The following PLCL1 variants were observed in gnomAD, a reference collection of about 807,000 sequenced individuals.
PLCL1 encodes phospholipase C like 1 (inactive).
In PLCL1, 41 loss-of-function variants were observed where a neutral mutation model predicts 84.4. That is an observed-to-expected ratio of 0.49 (90% confidence interval 0.38 to 0.63). The LOEUF is 0.63. Among genes scored for constraint, PLCL1 ranks in the 30% least tolerant of loss-of-function variants. The probability of loss-of-function intolerance (pLI) is 0.00; values close to 1 mark genes in which losing one functional copy is unlikely to be tolerated. For missense variants in PLCL1, 1,206 were observed against 1,367.8 expected, an observed-to-expected ratio of 0.88 and a Z score of 1.87; for synonymous variants, 490 against 488.3, an observed-to-expected ratio of 1.00 and a Z score of -0.05.
intron 1 of PLCL1, among the ~76,000 whole-genome samples, chr2:197,983,498 G>A (rs149672350): frequency 5.3e-5 from 8 of 152,072 alleles, no homozygotes; most frequent in African/African-American, 1.9e-4. Flanking sequence ...CTCCCAAAGT[G>A]TTGGGATTAC....
At chr2:197,967,132 G>T (rs576114210) in intron 1 of PLCL1, among the ~76,000 whole-genome samples, 3 of 152,188 alleles carry the variant, frequency 2.0e-5, no homozygotes, top group East Asian at 3.9e-4. Flanking sequence ...GTGAGAACTT[G>T]CTCCTGCAAC....
At chr2:198,125,736 C>G (rs1369082950) in intron 5 of PLCL1, among the ~76,000 whole-genome samples, 1 of 152,094 alleles carries the variant, frequency 6.6e-6, no homozygotes, top group African/African-American at 2.4e-5. Context: ...AAAGGTCACT[C>G]TTTGAAGGGA....
At chr2:197,814,747 T>C (rs1275175779) in intron 1 of PLCL1, among the ~76,000 whole-genome samples, 2 of 152,238 alleles carry the variant, frequency 1.3e-5, no homozygotes, top group African/African-American at 4.8e-5. Context: ...CCAGGAAGCA[T>C]ATGAATGATA....
intron 1 of PLCL1, among the ~76,000 whole-genome samples, chr2:197,812,681 A>G (rs1690611225): frequency 2.0e-5 from 3 of 152,228 alleles, no homozygotes; most frequent in African/African-American, 7.2e-5. Flanking sequence ...TATTATTTAC[A>G]CGGTACAATA....
chr2:198,064,696 G>T (rs2105880182), intron 1 of PLCL1, among the ~76,000 whole-genome samples: 1 of 152,272 alleles, frequency 6.6e-6, no homozygotes, highest in East Asian at 1.9e-4. Flanking sequence ...GCCAAAAGGA[G>T]AGTACTATTT....
chr2:197,843,728 A>C (rs1687062460), intron 1 of PLCL1, among the ~76,000 whole-genome samples: 1 of 152,192 alleles, frequency 6.6e-6, no homozygotes, highest in South Asian at 2.1e-4. Context: ...CATACTTCCA[A>C]ATTGAAAGAT....
chr2:197,843,808 T>C (rs1326207744), intron 1 of PLCL1, among the ~76,000 whole-genome samples: 1 of 152,198 alleles, frequency 6.6e-6, no homozygotes, highest in Non-Finnish European at 1.5e-5. Flanking sequence ...TTACTCTTAT[T>C]GCAAATAGTT....
chr2:198,063,417 A>T (rs1314350797), intron 1 of PLCL1, among the ~76,000 whole-genome samples: 1 of 152,162 alleles, frequency 6.6e-6, no homozygotes, highest in African/African-American at 2.4e-5. Context: ...CATAATCAGA[A>T]GCAAACTCAA....
intron 1 of PLCL1, among the ~76,000 whole-genome samples, chr2:197,948,490 T>C (rs1032295317): frequency 6.6e-6 from 1 of 152,136 alleles, no homozygotes; most frequent in South Asian, 2.1e-4. Context: ...ATGTAAACTT[T>C]CCTGTAATGT....
chr2:197,929,874 A>G (rs1001665032), intron 1 of PLCL1, among the ~76,000 whole-genome samples: 1 of 152,218 alleles, frequency 6.6e-6, no homozygotes, highest in Non-Finnish European at 1.5e-5. Flanking sequence ...TAGAGAGAAA[A>G]AGAAAACAAA....
At chr2:197,971,378 T>G (rs543671607) in intron 1 of PLCL1, among the ~76,000 whole-genome samples, 78 of 152,222 alleles carry the variant, frequency 5.1e-4, no homozygotes, top group African/African-American at 1.8e-3. Flanking sequence ...ACAACATACC[T>G]TAACAAATAA....
At chr2:197,852,898 C>G (rs549895803) in intron 1 of PLCL1, among the ~76,000 whole-genome samples, 1 of 152,158 alleles carries the variant, frequency 6.6e-6, no homozygotes, top group South Asian at 2.1e-4. Context: ...ATAAAATTAA[C>G]TATTTTAGCC....
At chr2:197,996,600 A>G (rs964387449) in intron 1 of PLCL1, among the ~76,000 whole-genome samples, 2 of 152,156 alleles carry the variant, frequency 1.3e-5, no homozygotes, top group African/African-American at 4.8e-5. Flanking sequence ...CTCTAAAAAT[A>G]AAGTCTATTA....
At chr2:197,950,524 T>C (rs749982730) in intron 1 of PLCL1, among the ~76,000 whole-genome samples, 16 of 152,088 alleles carry the variant, frequency 1.1e-4, no homozygotes, top group Non-Finnish European at 2.1e-4. Context: ...GTATATCAGG[T>C]AACTTTAAAA....
At chr2:197,937,887 G>C (rs1007715688) in intron 1 of PLCL1, among the ~76,000 whole-genome samples, 10 of 152,094 alleles carry the variant, frequency 6.6e-5, no homozygotes, top group South Asian at 4.1e-4. Flanking sequence ...ATGAATGAAG[G>C]ACTTGGGGTC....
At chr2:197,937,905 G>T (rs774511646) in intron 1 of PLCL1, among the ~76,000 whole-genome samples, 1 of 152,088 alleles carries the variant, frequency 6.6e-6, no homozygotes, top group African/African-American at 2.4e-5. Flanking sequence ...GTCCCATAAT[G>T]TTTCCTAAAT....
intron 5 of PLCL1, among the ~76,000 whole-genome samples, chr2:198,139,523 A>G (rs1251658525): frequency 2.0e-5 from 3 of 152,216 alleles, no homozygotes; most frequent in Non-Finnish European, 2.9e-5. Flanking sequence ...TGACATTCAC[A>G]TATGGCAATA....
At chr2:198,082,415 G>C (rs921672214) in intron 1 of PLCL1, among the ~76,000 whole-genome samples, 2 of 151,928 alleles carry the variant, frequency 1.3e-5, no homozygotes, top group Non-Finnish European at 2.9e-5. Flanking sequence ...CTGCACTCCA[G>C]CCTGGGCAAC....
At chr2:197,956,864 G>A (rs1470571901) in intron 1 of PLCL1, among the ~76,000 whole-genome samples, 1 of 152,058 alleles carries the variant, frequency 6.6e-6, no homozygotes, top group South Asian at 2.1e-4. Flanking sequence ...CTCCCATTCT[G>A]TAGGTTGCCT....
Sources: gnomAD v4.1 joint callset for allele counts (sites outside exome capture counted in the v4.1 genomes callset) on GRCh38, gnomAD v4.1.1 for gene constraint, MANE v1.5 for transcripts, NCBI Gene and HGNC (gene_info 2026-07-23, HGNC 2026-07-21) for gene names.